Variants in CNTNAP5 observed in about 807,000 individuals in gnomAD.
The protein encoded by CNTNAP5 is contactin-associated protein-like 5.
A neutral mutation model predicts 150.2 loss-of-function variants in CNTNAP5; 72 were observed. The observed-to-expected ratio is 0.48, with a 90% CI of 0.40 to 0.58. CNTNAP5 has a LOEUF of 0.58. CNTNAP5 is among the 20% of genes least tolerant of loss of function. CNTNAP5 has a pLI of 0.00. For missense variants in CNTNAP5, 1,636 were observed against 1,626.2 expected, an observed-to-expected ratio of 1.01 and a Z score of -0.10; for synonymous variants, 672 against 619.8, an observed-to-expected ratio of 1.08 and a Z score of -1.25.
chr2:124,097,602 G>C (rs1239843189), intron 1 of CNTNAP5, among the ~76,000 whole-genome samples: 5 of 152,122 alleles, frequency 3.3e-5, no homozygotes, highest in Admixed American at 1.3e-4. Context: ...GGAATGAGCT[G>C]GCCCTTTGTC....
At chr2:124,384,375 G>A (rs1230709161) in intron 3 of CNTNAP5, among the ~76,000 whole-genome samples, 2 of 152,106 alleles carry the variant, frequency 1.3e-5, no homozygotes, top group African/African-American at 2.4e-5. Context: ...ATTGTAGTAG[G>A]AAATTTGGAA....
intron 1 of CNTNAP5, among the ~76,000 whole-genome samples, chr2:124,112,038 C>T (rs72978477): frequency 4.1e-4 from 63 of 152,296 alleles, no homozygotes; most frequent in African/African-American, 1.4e-3. Context: ...TTGTGCTGCT[C>T]AGAATATAAT....
chr2:124,145,775 C>A (rs1684224456), intron 1 of CNTNAP5, among the ~76,000 whole-genome samples: 1 of 99,404 alleles, frequency 1.0e-5, no homozygotes, highest in South Asian at 3.5e-4. Flanking sequence ...GCACATGTAC[C>A]CTAAAACTTA....
chr2:124,763,759 AGCC>A lies in CNTNAP5; in HGVS notation c.2325_2327del (p.Ala776del). ...CTGATACCGACAGATCAAACTCAGAAGCCGCTTGGAGAATTGGTCCCTTGCGTT... is the reference window on the plus strand; with the variant it reads ...CTGATACCGACAGATCAAACTCAGAAGCTTGGAGAATTGGTCCCTTGCGTT... On this transcript the variant is annotated inframe_deletion, in exon 15 of 24. Coordinates refer to ENST00000682447, the MANE Select transcript of CNTNAP5 (RefSeq NM_001367498.1). 6.2e-7 allele frequency: 1 copy of A among 1,613,138 alleles called. No individual in the cohort carries two copies. Among genetic ancestry groups the A allele is most frequent in the Non-Finnish European group, 8.5e-7 (1 of 1,179,482 alleles).
chr2:124,903,177 A>G (rs571662824), intron 22 of CNTNAP5, 77 bp downstream of exon 22: 1 of 946,286 alleles, frequency 1.1e-6, no homozygotes, highest in Non-Finnish European at 1.5e-6. Flanking sequence ...TTCCAGATTA[A>G]AGAGTTGGCT....
At chr2:124,057,282 A>ATT (rs560714964) in intron 1 of CNTNAP5, among the ~76,000 whole-genome samples, 13,031 of 125,570 alleles carry the variant, frequency 0.1, 819 homozygotes, top group East Asian at 0.31. Context: ...TAACAAGTCC[A>ATT]TTTTTTTTTT....
intron 13 of CNTNAP5, among the ~76,000 whole-genome samples, chr2:124,711,163 C>T (rs887129478): frequency 6.6e-6 from 1 of 151,702 alleles, no homozygotes; most frequent in Non-Finnish European, 1.5e-5. Flanking sequence ...CCCAGCTATT[C>T]GGGAGGCTGA....
intron 1 of CNTNAP5, among the ~76,000 whole-genome samples, chr2:124,122,904 A>G (rs914685440): frequency 1.1e-4 from 17 of 151,410 alleles, no homozygotes; most frequent in Admixed American, 2.6e-4. Context: ...AAATATATGT[A>G]TATATATATA....
chr2:124,090,306 G>A (rs1025882562), intron 1 of CNTNAP5, among the ~76,000 whole-genome samples: 4 of 152,066 alleles, frequency 2.6e-5, no homozygotes, highest in Admixed American at 2.6e-4. Flanking sequence ...TACTCTTTGG[G>A]GGAGGATATT....
intron 18 of CNTNAP5, among the ~76,000 whole-genome samples, chr2:124,791,964 C>T (rs1208983056): frequency 6.6e-6 from 1 of 151,970 alleles, no homozygotes; most frequent in Non-Finnish European, 1.5e-5. Context: ...GTAAGATGGC[C>T]TTTTTAGTCA....
chr2:124,129,714 A>G (rs1683802375), intron 1 of CNTNAP5, among the ~76,000 whole-genome samples: 1 of 152,190 alleles, frequency 6.6e-6, no homozygotes, highest in Non-Finnish European at 1.5e-5. Context: ...GATTGAGCAC[A>G]ATAAAATTGT....
At position 124,539,649 on chromosome 2, in the gene CNTNAP5, T is replaced by G. The variant is rs1479670902; in HGVS notation, c.1649+12193T>G. On this transcript the variant is annotated intron_variant, in intron 10 of 23. Coordinates refer to ENST00000682447, the MANE Select transcript of CNTNAP5 (RefSeq NM_001367498.1). The stretch of plus-strand genomic sequence containing the variant: ...GGCGATATTATTCCCGCCTGCCTCT[T>G]GGAATTTTGGCAAGGATTGACTGAG... Among the ~76,000 whole-genome samples, 4 of 152,184 alleles carry G rather than the reference T, an allele frequency of 2.6e-5. No individual in the cohort carries two copies. In the East Asian group the frequency reaches 7.7e-4, roughly 29 times the overall value.
At chr2:124,566,261 C>T (rs1190442138) in intron 11 of CNTNAP5, among the ~76,000 whole-genome samples, 3 of 152,262 alleles carry the variant, frequency 2.0e-5, no homozygotes, top group South Asian at 4.2e-4. Flanking sequence ...CAAAACAACC[C>T]GAATTTCAGC....
At chr2:124,033,115 A>G (rs189836882) in intron 1 of CNTNAP5, among the ~76,000 whole-genome samples, 1 of 152,252 alleles carries the variant, frequency 6.6e-6, no homozygotes, top group East Asian at 1.9e-4. Context: ...CGTAAATTCC[A>G]TGTCTCTACA....
rs1389008195 is a variant in CNTNAP5 at position 124,370,461 on chromosome 2, G to A, written c.382-46982G>A. On this transcript the variant is annotated intron_variant, in intron 3 of 23. Transcript: ENST00000682447. ...TGAAGTGACTACTAGCCTCTTCTCAGAGTCACATGGAAGACAAAGAATACT... is the reference window on the plus strand; with the variant it reads ...TGAAGTGACTACTAGCCTCTTCTCAAAGTCACATGGAAGACAAAGAATACT... Among the ~76,000 whole-genome samples, 4 of 152,088 alleles carry A rather than the reference G, an allele frequency of 2.6e-5. No individual in the cohort carries two copies. In the South Asian group the frequency reaches 8.3e-4, roughly 31 times the overall value.
intron 6 of CNTNAP5, among the ~76,000 whole-genome samples, chr2:124,456,337 A>C (rs1005057643): frequency 2.0e-5 from 3 of 152,176 alleles, no homozygotes; most frequent in Non-Finnish European, 4.4e-5. Context: ...AAATAAATAA[A>C]ATACTTAGGA....
chr2:124,130,215 T>C (rs1419994845), intron 1 of CNTNAP5, among the ~76,000 whole-genome samples: 2 of 152,178 alleles, frequency 1.3e-5, no homozygotes, highest in East Asian at 3.9e-4. Context: ...TTACCTTTGT[T>C]TTAGTGTTTA....
intron 6 of CNTNAP5, among the ~76,000 whole-genome samples, chr2:124,451,051 A>AAAAAT (rs1360743225): frequency 9.2e-5 from 6 of 65,306 alleles, no homozygotes; most frequent in South Asian, 6.5e-4. Context: ...AAAAAAAAAA[A>AAAAAT]ATATATATAT....
intron 11 of CNTNAP5, among the ~76,000 whole-genome samples, chr2:124,599,725 T>C (rs547052586): frequency 1.3e-5 from 2 of 152,138 alleles, no homozygotes; most frequent in African/African-American, 4.8e-5. Context: ...TCTCAGGGAG[T>C]TTTTTTGTTT....
Sources: allele counts gnomAD v4.1 joint callset (sites outside exome capture counted in the v4.1 genomes callset), GRCh38; gene constraint gnomAD v4.1.1; transcripts MANE v1.5; gene names NCBI Gene and HGNC (gene_info 2026-07-23, HGNC 2026-07-21).